The following ADRA1B variants were observed in gnomAD, a reference collection of about 807,000 sequenced individuals.
ADRA1B encodes the protein adrenoceptor alpha 1B, also known as alpha-1B adrenergic receptor.
In ADRA1B, 17 loss-of-function variants were observed where a neutral mutation model predicts 17.9. The ratio of observed to expected loss-of-function variants is 0.95; its 90% CI spans 0.65 to 1.42. The LOEUF is 1.42. Ranked by LOEUF, ADRA1B falls within the 40% of genes most tolerant of loss-of-function variation. The pLI, the probability that ADRA1B is intolerant of heterozygous loss-of-function variation, is 0.00. For synonymous variants in ADRA1B, 366 were observed against 327.6 expected (o/e 1.12, Z -1.27); for missense variants, 681 against 722.1 (o/e 0.94, Z 0.65).
Position 159,917,254 on chromosome 5 carries a change from TTCTGTGACA to T in ADRA1B, c.354_362del (p.Cys118_Ile120del). The T allele has an allele frequency of 6.2e-7, 1 of 1,614,162 alleles. No homozygotes were observed. The highest frequency in any genetic ancestry group is 2.2e-5 in the East Asian group (1 of 44,874). On this transcript the variant is annotated inframe_deletion, in exon 1 of 2. Coordinates refer to ENST00000306675, the MANE Select transcript of ADRA1B (RefSeq NM_000679.4). ...CGGCTACTGGGTGCTGGGGCGGATC[TTCTGTGACA>T]TCTGGGCAGCCGTGGATGTCCTGTG...
intron 1 of ADRA1B, among the ~76,000 whole-genome samples, chr5:159,963,734 G>A (rs1266393062): frequency 5.9e-5 from 9 of 152,136 alleles, no homozygotes; most frequent in African/African-American, 9.7e-5. Context: ...TCAGGTTCAC[G>A]GAGTGTTGAG....
At chr5:159,952,688 T>G (rs1395531155) in intron 1 of ADRA1B, among the ~76,000 whole-genome samples, 1 of 152,222 alleles carries the variant, frequency 6.6e-6, no homozygotes, top group Non-Finnish European at 1.5e-5. Context: ...AGGTGCATGT[T>G]AGGGGTTATT....
intron 1 of ADRA1B, among the ~76,000 whole-genome samples, chr5:159,905,760 GA>G (rs1232045837): frequency 6.6e-6 from 1 of 152,240 alleles, no homozygotes; most frequent in Admixed American, 6.5e-5. Context: ...ACTGAGTGGG[GA>G]GGGGCAGGAC....
intron 1 of ADRA1B, among the ~76,000 whole-genome samples, chr5:159,921,664 G>T (rs1581035415): frequency 1.3e-5 from 2 of 152,192 alleles, no homozygotes; most frequent in South Asian, 4.1e-4. Context: ...AAGGCACCAG[G>T]AAGCCATTAT....
chr5:159,972,456 C>A lies in ADRA1B; in HGVS notation c.1527C>A (p.Phe509Leu). Reference sequence around the variant, plus strand: ...ACGTGGCCAACGGGCAGCCGGGCTTCAAAAGCAACATGCCCCTGGCGCCCG... The same window carrying A: ...ACGTGGCCAACGGGCAGCCGGGCTTAAAAAGCAACATGCCCCTGGCGCCCG... ...AADVANGQPG[F>L]KSNMPLAPGQ... The change falls in exon 2 of 2, where the codon TTC (phenylalanine) becomes TTA (leucine). Residue 509 changes from phenylalanine (F) to leucine (L), a missense_variant. Phe to Leu is a conservative substitution (Grantham distance 22). Around this residue, in one of 3 missense-constraint regions of ADRA1B, gnomAD observed 251 missense variants for 224.9 expected, o/e 1.12. Coordinates refer to ENST00000306675, the MANE Select transcript of ADRA1B (RefSeq NM_000679.4). 6.8e-7 allele frequency: 1 copy of A among 1,476,122 alleles called. No homozygotes were observed. The highest frequency in any genetic ancestry group is 1.3e-5 in the South Asian group (1 of 79,708). The allele number at this position is 1,476,122 out of a possible 1,614,324, so 91.4% of individuals were successfully genotyped here. A position where few individuals can be genotyped will look rare whatever the true frequency, so the allele number is the denominator to read the frequency against.
chr5:159,873,104 T>A (rs1416926857), intron 1 of ADRA1B, among the ~76,000 whole-genome samples: 1 of 152,200 alleles, frequency 6.6e-6, no homozygotes, highest in Non-Finnish European at 1.5e-5. Flanking sequence ...AGGACATGAA[T>A]TCATTCTTTT....
At chr5:159,984,344 C>T in the ADRA1B span, among the ~76,000 whole-genome samples, 2 of 152,152 alleles carry the variant, frequency 1.3e-5, no homozygotes, top group Non-Finnish European at 2.9e-5. Flanking sequence ...TCCCCCATCT[C>T]AGGAAATGGA....
chr5:159,905,876 A>C (rs1323591220), intron 1 of ADRA1B, among the ~76,000 whole-genome samples: 1 of 142,056 alleles, frequency 7.0e-6, no homozygotes, highest in South Asian at 2.2e-4. Flanking sequence ...TTTTTTTTTG[A>C]GTCAGAGTCT....
upstream of ADRA1B, chr5:159,916,159 C>A (rs139748609): frequency 0.026 from 4,002 of 152,078 alleles, 80 homozygotes; most frequent in Non-Finnish European, 0.036. Context: ...CCGGGGCCCA[C>A]TCCGGGAGCC....
chr5:159,952,367 G>C (rs1278056566), intron 1 of ADRA1B, among the ~76,000 whole-genome samples: 4 of 152,102 alleles, frequency 2.6e-5, no homozygotes, highest in Non-Finnish European at 5.9e-5. Flanking sequence ...ATCTGAACGT[G>C]GTCTCACTCG....
At chr5:159,953,935 C>A (rs1755499682) in intron 1 of ADRA1B, among the ~76,000 whole-genome samples, 1 of 152,118 alleles carries the variant, frequency 6.6e-6, no homozygotes, top group Non-Finnish European at 1.5e-5. Context: ...TCTACCATCA[C>A]CATTCCCAAC....
chr5:159,906,114 C>A, intron 1 of ADRA1B, among the ~76,000 whole-genome samples: 1 of 152,186 alleles, frequency 6.6e-6, no homozygotes, highest in East Asian at 1.9e-4. Flanking sequence ...CTCAGCCTTA[C>A]AAAGTGCTGG....
Position 159,879,309 on chromosome 5 carries a change from T to C in ADRA1B, c.-256+14103T>C, listed in dbSNP as rs976158198. On this transcript the variant is annotated intron_variant, in intron 1 of 2. Coordinates refer to the ADRA1B transcript ENST00000641205. ...AATGCAGTCAGCTTGGCTCCTCCCATGAACCACAGCTCTGGAGTGACACAG... is the reference window on the plus strand; with the variant it reads ...AATGCAGTCAGCTTGGCTCCTCCCACGAACCACAGCTCTGGAGTGACACAG... Among the ~76,000 whole-genome samples, 3 of 152,100 alleles carry C rather than the reference T, an allele frequency of 2.0e-5. No homozygotes were observed. The East Asian group carries it at 5.8e-4, about 29-fold the overall frequency.
Position 159,972,279 on chromosome 5 carries a change from C to T in ADRA1B, c.1350C>T (p.Pro450=), listed in dbSNP as rs1165071494. The T allele has an allele frequency of 5.1e-6, 7 of 1,368,338 alleles. No homozygotes were observed. The Admixed American group carries it at 2.0e-4, about 39-fold the overall frequency. 84.8% of individuals were successfully genotyped at this position (1,368,338 alleles called of 1,614,324 possible). ...ELCAFPEWKA[P]GALLSLPAPE... ...GCGCCTTCCCCGAGTGGAAGGCGCCCGGCGCCCTCCTGAGCCTGCCCGCGC... is the reference window on the plus strand; with the variant it reads ...GCGCCTTCCCCGAGTGGAAGGCGCCTGGCGCCCTCCTGAGCCTGCCCGCGC... Residue 450 remains proline (P), a synonymous_variant, in exon 2 of 2, where the codon CCC becomes CCT. Coordinates refer to ENST00000306675, the MANE Select transcript of ADRA1B (RefSeq NM_000679.4).
At chr5:159,945,968 T>A (rs192072565) in intron 1 of ADRA1B, among the ~76,000 whole-genome samples, 1 of 152,120 alleles carries the variant, frequency 6.6e-6, no homozygotes, top group African/African-American at 2.4e-5. Context: ...AGGATGGTCT[T>A]GATCTTCTGA....
At chr5:159,908,644 A>G (rs2113130966) in intron 1 of ADRA1B, among the ~76,000 whole-genome samples, 1 of 152,298 alleles carries the variant, frequency 6.6e-6, no homozygotes, top group Middle Eastern at 3.4e-3. Context: ...TCTTCTTTAT[A>G]GACTATCCAG....
chr5:159,938,950 G>A (rs62377691), intron 1 of ADRA1B, among the ~76,000 whole-genome samples: 163 of 152,298 alleles, frequency 1.1e-3, no homozygotes, highest in Non-Finnish European at 1.1e-3. Context: ...AAAAGTCACA[G>A]TATGTGGCCA....
At chr5:159,901,739 A>G (rs1036954307) in intron 1 of ADRA1B, among the ~76,000 whole-genome samples, 3 of 152,200 alleles carry the variant, frequency 2.0e-5, no homozygotes, top group Non-Finnish European at 4.4e-5. Flanking sequence ...CAAATGGCCA[A>G]CAAGCATAAG....
Position 159,943,912 on chromosome 5 carries a change from T to TCACA in ADRA1B, c.949+26083_949+26086dup, listed in dbSNP as rs70987984. On this transcript the variant is annotated intron_variant, in intron 1 of 1. Transcript: ENST00000306675. Reference sequence around the variant, plus strand: ...CATTCTCTCTCTCTCTCTGTCTCTCTCACACACACACACACACACACACAC... The same window carrying TCACA: ...CATTCTCTCTCTCTCTCTGTCTCTCTCACACACACACACACACACACACACACAC... 4.8e-3 allele frequency among the ~76,000 whole-genome samples: 708 copies of TCACA among 147,536 alleles called. 8 individuals carry two copies. Among genetic ancestry groups the TCACA allele is most frequent in the African/African-American group, 0.016 (649 of 39,860 alleles).
Sources: gnomAD v4.1 joint callset for allele counts (sites outside exome capture counted in the v4.1 genomes callset) on GRCh38, gnomAD v4.1.1 for gene constraint, gnomAD v4.1.1 regional missense constraint, MANE v1.5 for transcripts, NCBI Gene and HGNC (gene_info 2026-07-23, HGNC 2026-07-21) for gene names.